The following C2CD5 variants were observed in gnomAD, a reference collection of about 807,000 sequenced individuals.
C2CD5 encodes the protein C2 calcium dependent domain containing 5, also known as C2 domain-containing protein 5.
In C2CD5, 109 loss-of-function variants were observed where a neutral mutation model predicts 130.3. The ratio of observed to expected loss-of-function variants is 0.84; its 90% confidence interval spans 0.72 to 0.98. C2CD5 has a LOEUF of 0.98. Among genes scored for constraint, C2CD5 ranks in the 50% least tolerant of loss-of-function variants. The probability of loss-of-function intolerance (pLI) is 0.00; values close to 1 mark genes in which losing one functional copy is unlikely to be tolerated. For synonymous variants in C2CD5, 454 were observed against 429.2 expected (o/e 1.06, Z -0.71); for missense variants, 996 against 1,261.8 (o/e 0.79, Z 3.19).
intron 12 of C2CD5, among the ~76,000 whole-genome samples, chr12:22,485,709 G>C (rs987305490): frequency 6.6e-6 from 1 of 152,058 alleles, no homozygotes; most frequent in Non-Finnish European, 1.5e-5. Flanking sequence ...TGTGTTATAA[G>C]AGGGTACAAA....
intron 10 of C2CD5, among the ~76,000 whole-genome samples, chr12:22,495,377 C>A (rs1946882147): frequency 6.6e-6 from 1 of 152,002 alleles, no homozygotes; most frequent in African/African-American, 2.4e-5. Context: ...TTAAGTTCTA[C>A]ATATATTTAT....
At chr12:22,461,629 G>A (rs1038760216) in intron 22 of C2CD5, among the ~76,000 whole-genome samples, 29 of 152,100 alleles carry the variant, frequency 1.9e-4, no homozygotes, top group Non-Finnish European at 2.9e-5. Flanking sequence ...GTTGCCTCTT[G>A]GGGAAGGAAA....
intron 22 of C2CD5, among the ~76,000 whole-genome samples, chr12:22,463,011 G>C (rs1463333291): frequency 1.3e-5 from 2 of 151,886 alleles, no homozygotes; most frequent in Non-Finnish European, 2.9e-5. Context: ...TTGAACCCAG[G>C]AGCTAAAGGC....
At chr12:22,523,744 T>C in intron 6 of C2CD5, 120 bp from the exon 7 acceptor site, 2 of 712,984 alleles carry the variant, frequency 2.8e-6, no homozygotes, top group Admixed American at 5.5e-5. Context: ...TTTCAGAACT[T>C]GAAGGAAACT....
chr12:22,543,488 G>A (rs558449212), intron 2 of C2CD5, among the ~76,000 whole-genome samples: 1 of 152,344 alleles, frequency 6.6e-6, no homozygotes, highest in South Asian at 2.1e-4. Context: ...CAAAATGTTA[G>A]GCATGAGAGT....
intron 14 of C2CD5, among the ~76,000 whole-genome samples, chr12:22,478,714 TG>T (rs1944243386): frequency 6.6e-6 from 1 of 151,974 alleles, no homozygotes; most frequent in Admixed American, 6.6e-5. Flanking sequence ...GGTGTAGTGG[TG>T]TGTGCCCATA....
At chr12:22,530,817 T>A (rs1225478415) in intron 3 of C2CD5, among the ~76,000 whole-genome samples, 3 of 152,144 alleles carry the variant, frequency 2.0e-5, no homozygotes, top group Non-Finnish European at 4.4e-5. Context: ...AAAATAAATA[T>A]ATTATTTTTC....
intron 10 of C2CD5, among the ~76,000 whole-genome samples, chr12:22,501,619 T>A (rs1947801717): frequency 6.6e-6 from 1 of 152,188 alleles, no homozygotes. Context: ...ATTTCAATTC[T>A]AATCAATGAC....
At chr12:22,506,029 T>C (rs7979523) in intron 10 of C2CD5, among the ~76,000 whole-genome samples, 24,182 of 148,054 alleles carry the variant, frequency 0.16, 3,832 homozygotes, top group African/African-American at 0.41. Flanking sequence ...CAGGTGGCCG[T>C]GGTCAAAGAC....
chr12:22,504,292 A>C (rs1248844747), intron 10 of C2CD5, among the ~76,000 whole-genome samples: 2 of 149,320 alleles, frequency 1.3e-5, no homozygotes, highest in Admixed American at 1.3e-4. Flanking sequence ...TAAAATCAAA[A>C]TGTTTTTTTT....
In C2CD5 at chr12:22,469,747, G is replaced by C; in HGVS notation, c.2495C>G (p.Ser832Ter). Residue 832 changes from serine (S) to a stop codon, truncating the protein, a stop_gained, in exon 22 of 27, where the codon TCA (serine) becomes TGA (stop). Transcript: ENST00000446597. LOFTEE classifies it high-confidence loss of function. Reference protein sequence around the residue: ...ELLQFPLELCSDSLPSHPFPP... With the variant: ...ELLQFPLELC ...AAAAGGATGAGAAGGAAGTGAATCT[G>C]AACACAGTTCCAGTGGAAATTGTAA... 6.2e-7 allele frequency: 1 copy of C among 1,605,912 alleles called. No homozygotes were observed. Among genetic ancestry groups the C allele is most frequent in the Non-Finnish European group, 8.5e-7 (1 of 1,176,156 alleles).
intron 22 of C2CD5, among the ~76,000 whole-genome samples, chr12:22,468,231 C>G (rs1359567900): frequency 1.3e-5 from 2 of 152,040 alleles, no homozygotes; most frequent in Non-Finnish European, 2.9e-5. Context: ...GACTTTTCTT[C>G]TTTTTGAGAG....
chr12:22,453,813 T>C, intron 26 of C2CD5, 83 bp downstream of exon 26: 1 of 1,261,776 alleles, frequency 7.9e-7, no homozygotes. Flanking sequence ...AGAGCAATTC[T>C]CTTTTGGAGG....
chr12:22,516,440 C>A (rs1949730345), intron 8 of C2CD5, among the ~76,000 whole-genome samples: 1 of 151,018 alleles, frequency 6.6e-6, no homozygotes, highest in South Asian at 2.1e-4. Context: ...ATGAGAATAA[C>A]ACCCCATTTG....
chr12:22,488,862 C>G (rs1591814029), intron 12 of C2CD5, among the ~76,000 whole-genome samples: 2 of 150,384 alleles, frequency 1.3e-5, no homozygotes, highest in South Asian at 4.2e-4. Flanking sequence ...TGACAAGATA[C>G]AGAATTTTTT....
intron 16 of C2CD5, among the ~76,000 whole-genome samples, chr12:22,473,944 G>C (rs1485531132): frequency 1.3e-5 from 2 of 152,034 alleles, no homozygotes; most frequent in Non-Finnish European, 2.9e-5. Context: ...AACCATATAA[G>C]TTGAGTTTTC....
chr12:22,528,307 G>A (rs1950912386), intron 3 of C2CD5, among the ~76,000 whole-genome samples: 1 of 152,102 alleles, frequency 6.6e-6, no homozygotes, highest in South Asian at 2.1e-4. Context: ...CGATTTCAGA[G>A]AACAGAACCA....
intron 2 of C2CD5, among the ~76,000 whole-genome samples, chr12:22,538,145 TC>T (rs1188716286): frequency 6.6e-6 from 1 of 152,238 alleles, no homozygotes; most frequent in Admixed American, 6.5e-5. Context: ...TTCATTCCTG[TC>T]TTTTAATGTA....
Position 22,475,269 on chromosome 12 carries a change from T to C in C2CD5, c.1903-378A>G, listed in dbSNP as rs376200378. On this transcript the variant is annotated intron_variant, in intron 15 of 26. Transcript: ENST00000446597. ...TAGGCCTTAAAAATTTAAAGACTTA[T>C]GTTCCTAGAAAGAATTCTAATCTTT... is the stretch of plus-strand genomic sequence containing the variant. Among the ~76,000 whole-genome samples, 114 of 152,304 alleles carry C rather than the reference T, an allele frequency of 7.5e-4. 1 individual carries two copies. Among genetic ancestry groups the C allele is most frequent in the African/African-American group, 2.4e-3 (98 of 41,570 alleles).
Sources: allele counts gnomAD v4.1 joint callset (sites outside exome capture counted in the v4.1 genomes callset), GRCh38; gene constraint gnomAD v4.1.1; transcripts MANE v1.5; gene names NCBI Gene and HGNC (gene_info 2026-07-23, HGNC 2026-07-21).